Variants in ZNF521 observed in about 807,000 individuals in gnomAD.
ZNF521 encodes LYST-interacting protein 3.
A neutral mutation model predicts 105.5 loss-of-function variants in ZNF521; 14 were observed. The ratio of observed to expected loss-of-function variants is 0.13; its 90% CI spans 0.09 to 0.21. The LOEUF (loss-of-function observed/expected upper bound fraction) is 0.21, where lower values mean the gene tolerates loss of function less well. Among genes scored for constraint, ZNF521 ranks in the 10% least tolerant of loss-of-function variants. The probability of loss-of-function intolerance (pLI) is 1.00; values close to 1 mark genes in which losing one functional copy is unlikely to be tolerated. For missense variants in ZNF521, 1,233 were observed against 1,629.7 expected (o/e 0.76, Z 4.19); for synonymous variants, 635 against 606.0 (o/e 1.05, Z -0.70).
chr18:25,114,370 T>C (rs920060484), intron 5 of ZNF521, among the ~76,000 whole-genome samples: 5 of 152,194 alleles, frequency 3.3e-5, no homozygotes, highest in African/African-American at 9.7e-5. Context: ...CAAAATGCAA[T>C]TCTTTAGAGG....
At chr18:25,333,826 G>T (rs1913725479) in intron 2 of ZNF521, among the ~76,000 whole-genome samples, 1 of 152,200 alleles carries the variant, frequency 6.6e-6, no homozygotes, top group Non-Finnish European at 1.5e-5. Flanking sequence ...GCTTCATGGT[G>T]TGTTTAATAC....
At chr18:25,094,584 T>TA (rs113153509) in intron 5 of ZNF521, among the ~76,000 whole-genome samples, 6,961 of 151,550 alleles carry the variant, frequency 0.046, 514 homozygotes, top group African/African-American at 0.16. Context: ...GTTATAATGT[T>TA]AAAAAAAAAG....
chr18:25,188,875 G>C (rs572857420), intron 5 of ZNF521, among the ~76,000 whole-genome samples: 2 of 152,278 alleles, frequency 1.3e-5, no homozygotes, highest in Non-Finnish European at 2.9e-5. Flanking sequence ...CTGAATCTTC[G>C]ATCTATGGCC....
At chr18:25,300,457 C>T (rs548070634) in intron 3 of ZNF521, among the ~76,000 whole-genome samples, 14 of 152,186 alleles carry the variant, frequency 9.2e-5, no homozygotes, top group African/African-American at 3.1e-4. Flanking sequence ...TTAGAAAATA[C>T]ATGTTTTGAT....
intron 2 of ZNF521, among the ~76,000 whole-genome samples, chr18:25,335,670 A>G (rs1273879270): frequency 6.6e-6 from 1 of 152,182 alleles, no homozygotes. Context: ...TTCATTTAGC[A>G]TTAAGGTTGA....
chr18:25,306,392 T>G (rs1163824371), intron 3 of ZNF521, among the ~76,000 whole-genome samples: 2 of 152,108 alleles, frequency 1.3e-5, no homozygotes, highest in African/African-American at 2.4e-5. Context: ...ATTTCTTTTT[T>G]GGGGGGGAAA....
chr18:25,291,204 T>C (rs1396553983), intron 3 of ZNF521, among the ~76,000 whole-genome samples: 2 of 152,144 alleles, frequency 1.3e-5, no homozygotes, highest in Non-Finnish European at 2.9e-5. Context: ...TCATTGAAAA[T>C]TGTCCACTGC....
At chr18:25,309,975 A>G (rs985299197) in intron 3 of ZNF521, among the ~76,000 whole-genome samples, 2 of 152,178 alleles carry the variant, frequency 1.3e-5, no homozygotes, top group African/African-American at 4.8e-5. Context: ...CTTTTCTATA[A>G]AAGTTTATTT....
At chr18:25,242,221 A>T (rs2144803657) in intron 3 of ZNF521, among the ~76,000 whole-genome samples, 1 of 152,218 alleles carries the variant, frequency 6.6e-6, no homozygotes, top group East Asian at 1.9e-4. Flanking sequence ...CTCTGTAAGG[A>T]CTCAATAGCC....
rs1307265209 is a variant in ZNF521 at position 25,351,465 on chromosome 18, C to CT, written c.-1-519_-1-518insA. On this transcript the variant is annotated intron_variant, in intron 1 of 7. Coordinates refer to ENST00000361524, the MANE Select transcript of ZNF521 (RefSeq NM_015461.3). ...CCTTTTCAACAAATCCGCCCCCCCCCCCACCGGAAAAAAACAAATAACACT... is the reference window on the plus strand; with the variant it reads ...CCTTTTCAACAAATCCGCCCCCCCCCTCCACCGGAAAAAAACAAATAACACT... The CT allele has an allele frequency of 2.0e-5, 3 of 150,808 alleles. No individual in the cohort carries two copies. The South Asian group carries it at 6.3e-4, about 32-fold the overall frequency. 9.3% of individuals were successfully genotyped at this position (150,808 alleles called of 1,614,324 possible).
chr18:25,164,852 T>C (rs1209121549), intron 5 of ZNF521, among the ~76,000 whole-genome samples: 2 of 152,340 alleles, frequency 1.3e-5, no homozygotes, highest in East Asian at 3.9e-4. Flanking sequence ...ATCAGAATAA[T>C]AGTTATACCC....
intron 5 of ZNF521, among the ~76,000 whole-genome samples, chr18:25,165,450 C>T (rs746545367): frequency 6.6e-6 from 1 of 152,206 alleles, no homozygotes; most frequent in African/African-American, 2.4e-5. Context: ...AGCAATCCCA[C>T]CGTCCCCCGG....
At chr18:25,306,625 T>A (rs1014813262) in intron 3 of ZNF521, among the ~76,000 whole-genome samples, 1 of 152,194 alleles carries the variant, frequency 6.6e-6, no homozygotes, top group Non-Finnish European at 1.5e-5. Flanking sequence ...ATGCTTTAAA[T>A]GTCCTGCCTT....
At chr18:25,134,529 C>A (rs553265925) in intron 5 of ZNF521, among the ~76,000 whole-genome samples, 12 of 152,228 alleles carry the variant, frequency 7.9e-5, no homozygotes, top group African/African-American at 2.9e-4. Context: ...CTTCTACTAC[C>A]TGCCCAAACT....
intron 5 of ZNF521, among the ~76,000 whole-genome samples, chr18:25,122,813 A>G (rs62082236): frequency 0.26 from 39,934 of 151,938 alleles, 6,389 homozygotes; most frequent in Non-Finnish European, 0.35. Flanking sequence ...AAGAATAGAA[A>G]CTGACAAGTT....
chr18:25,094,955 T>G (rs993085325), intron 5 of ZNF521, among the ~76,000 whole-genome samples: 4 of 152,146 alleles, frequency 2.6e-5, no homozygotes, highest in Non-Finnish European at 5.9e-5. Context: ...TGAAACTTAT[T>G]TATAGTAAGA....
chr18:25,291,726 G>A (rs1436088205), intron 3 of ZNF521, among the ~76,000 whole-genome samples: 1 of 151,972 alleles, frequency 6.6e-6, no homozygotes, highest in East Asian at 1.9e-4. Context: ...CAAGCCCTCG[G>A]CATACTATAT....
intron 5 of ZNF521, among the ~76,000 whole-genome samples, chr18:25,153,177 G>A (rs2035080584): frequency 6.6e-6 from 1 of 152,186 alleles, no homozygotes; most frequent in African/African-American, 2.4e-5. Flanking sequence ...TATGGAGAAT[G>A]TTGGTCAGCT....
Position 25,225,891 on chromosome 18 carries a change from T to G in ZNF521, c.2027A>C (p.Gln676Pro), listed in dbSNP as rs781137382. ...GGTAACATGCTTCAGCAAGGATTCT[T>G]GGTTGGGGAATTCCTTGTTGCACTG... ...CPQCNKEFPN[Q>P]ESLLKHVTIH... Residue 676 changes from glutamine to proline, a missense_variant, in exon 4 of 8, where the codon CAA becomes CCA. Gln to Pro is a moderately conservative substitution (Grantham distance 76, BLOSUM62 -1). Coordinates refer to ENST00000361524, the MANE Select transcript of ZNF521 (RefSeq NM_015461.3). This position sits in a 1 kb window ranked among gnomAD's most constrained non-coding sequence, Gnocchi z 5.6. 8 of 1,614,140 alleles carry G rather than the reference T, an allele frequency of 5.0e-6. No homozygotes were observed. The highest frequency in any genetic ancestry group is 2.2e-5 in the South Asian group (2 of 91,090).
Sources: allele counts gnomAD v4.1 joint callset (sites outside exome capture counted in the v4.1 genomes callset), GRCh38; gene constraint gnomAD v4.1.1; non-coding constraint Gnocchi (gnomAD v3.1); transcripts MANE v1.5; gene names NCBI Gene and HGNC (gene_info 2026-07-23, HGNC 2026-07-21).